Variants in DGKI observed in about 807,000 individuals in gnomAD.
DGKI encodes the protein DAG kinase iota.
DGKI carries 55 observed loss-of-function variants against 147.5 expected under a neutral mutation model. That is an observed-to-expected ratio of 0.37 (90% CI 0.30 to 0.47). DGKI has a LOEUF of 0.47. DGKI is among the 20% of genes least tolerant of loss of function. DGKI has a pLI of 1.00. For missense variants in DGKI, 1,007 were observed against 1,323.8 expected (o/e 0.76, Z 3.71); for synonymous variants, 469 against 477.1 (o/e 0.98, Z 0.22).
chr7:137,637,333 T>C (rs892059155), intron 6 of DGKI, among the ~76,000 whole-genome samples: 3 of 152,222 alleles, frequency 2.0e-5, no homozygotes, highest in Admixed American at 6.5e-5. Context: ...GGTAATAATA[T>C]GCCTATCTTT....
chr7:137,624,132 G>A lies in DGKI; in HGVS notation c.805-578C>T, dbSNP rs114471881. Among the ~76,000 whole-genome samples the A allele has an allele frequency of 2.3e-3, 345 of 152,284 alleles. 1 individual carries two copies. Among genetic ancestry groups the A allele is most frequent in the African/African-American group, 8.1e-3 (335 of 41,546 alleles). On this transcript the variant is annotated intron_variant, in intron 6 of 32. Transcript: ENST00000614521. ...TTTTTATTCTTTACCAGGAAGCAAC[G>A]ATGAAATCAATGAAATGGTAAACCT...
At chr7:137,647,071 A>C (rs1222101302) in intron 5 of DGKI, among the ~76,000 whole-genome samples, 5 of 152,230 alleles carry the variant, frequency 3.3e-5, no homozygotes, top group South Asian at 2.1e-4. Flanking sequence ...GTTTAATAAA[A>C]CAAAGACACA....
At position 137,713,033 on chromosome 7, in the gene DGKI, C is replaced by T. The variant is rs75376927; in HGVS notation, c.402-23031G>A. 6.3e-3 allele frequency among the ~76,000 whole-genome samples: 955 copies of T among 152,240 alleles called. 12 individuals carry two copies. Among genetic ancestry groups the T allele is most frequent in the African/African-American group, 0.022 (908 of 41,540 alleles). On this transcript the variant is annotated intron_variant, in intron 1 of 32. Coordinates refer to ENST00000614521, the MANE Select transcript of DGKI (RefSeq NM_001321708.2). ...GCACAAGTGGTGAAAGGCTAATTGCCACAGTTTCTAAACTTATAATCTTTA... is the reference window on the plus strand; with the variant it reads ...GCACAAGTGGTGAAAGGCTAATTGCTACAGTTTCTAAACTTATAATCTTTA...
At chr7:137,547,441 G>A (rs2128963953) in intron 20 of DGKI, among the ~76,000 whole-genome samples, 1 of 152,278 alleles carries the variant, frequency 6.6e-6, no homozygotes, top group Non-Finnish European at 1.5e-5. Flanking sequence ...ATTTCTCATG[G>A]AAATTCCTTC....
At chr7:137,686,513 C>T (rs569328255) in intron 2 of DGKI, among the ~76,000 whole-genome samples, 1 of 152,272 alleles carries the variant, frequency 6.6e-6, no homozygotes, top group Non-Finnish European at 1.5e-5. Context: ...TCCTAAAAGT[C>T]ATAATAAGCC....
At chr7:137,564,971 T>C (rs778153124) in intron 19 of DGKI, among the ~76,000 whole-genome samples, 13 of 152,238 alleles carry the variant, frequency 8.5e-5, no homozygotes, top group Non-Finnish European at 1.6e-4. Context: ...CCAGGAACTC[T>C]ATATGCCGCT....
chr7:137,637,121 C>T (rs954091803), intron 6 of DGKI, among the ~76,000 whole-genome samples: 2 of 152,234 alleles, frequency 1.3e-5, no homozygotes, highest in African/African-American at 4.8e-5. Flanking sequence ...CTGAAGGGCT[C>T]TTCCAGTTCC....
chr7:137,843,442 T>C, intron 1 of DGKI: 1 of 985,246 alleles, frequency 1.0e-6, no homozygotes, highest in Non-Finnish European at 1.2e-6. Context: ...ACAGAGACTA[T>C]TTGCTCTAGG....
At chr7:137,635,953 A>G (rs1419898601) in intron 6 of DGKI, among the ~76,000 whole-genome samples, 1 of 152,200 alleles carries the variant, frequency 6.6e-6, no homozygotes, top group African/African-American at 2.4e-5. Flanking sequence ...GGAAGCTCTT[A>G]AACTTTAAGC....
intron 1 of DGKI, among the ~76,000 whole-genome samples, chr7:137,836,486 T>C (rs904427020): frequency 2.6e-5 from 4 of 152,230 alleles, no homozygotes; most frequent in Non-Finnish European, 2.9e-5. Flanking sequence ...CAAATGGGGC[T>C]GACTATGCCA....
intron 1 of DGKI, among the ~76,000 whole-genome samples, chr7:137,706,865 C>T (rs895041773): frequency 1.5e-4 from 23 of 152,186 alleles, no homozygotes; most frequent in Non-Finnish European, 2.1e-4. Context: ...AGCCACCACA[C>T]CCCGCCGAAA....
At chr7:137,831,080 T>C (rs1392681944) in intron 1 of DGKI, among the ~76,000 whole-genome samples, 1 of 152,180 alleles carries the variant, frequency 6.6e-6, no homozygotes, top group African/African-American at 2.4e-5. Flanking sequence ...ATTTTTCCTA[T>C]AACAAAAACT....
At chr7:137,675,633 C>G (rs933992504) in intron 3 of DGKI, among the ~76,000 whole-genome samples, 6 of 145,160 alleles carry the variant, frequency 4.1e-5, no homozygotes, top group African/African-American at 1.5e-4. Context: ...TGCAGTGAGC[C>G]GAGATCACAC....
At chr7:137,537,296 T>C (rs1817552128) in intron 20 of DGKI, among the ~76,000 whole-genome samples, 1 of 152,202 alleles carries the variant, frequency 6.6e-6, no homozygotes, top group Non-Finnish European at 1.5e-5. Flanking sequence ...TGAAGCTAAC[T>C]CTTACACTTC....
chr7:137,597,314 C>A (rs1228283779), intron 12 of DGKI, among the ~76,000 whole-genome samples: 4 of 152,068 alleles, frequency 2.6e-5, no homozygotes, highest in African/African-American at 9.7e-5. Context: ...GATCATTATA[C>A]ATTCTATGCA....
At chr7:137,621,873 C>T (rs1182775467) in intron 7 of DGKI, among the ~76,000 whole-genome samples, 3 of 152,176 alleles carry the variant, frequency 2.0e-5, no homozygotes, top group South Asian at 2.1e-4. Context: ...CTGAGCACAC[C>T]GCTGCCCAGA....
chr7:137,704,744 TAAAG>T (rs1793957440), intron 1 of DGKI, among the ~76,000 whole-genome samples: 1 of 152,110 alleles, frequency 6.6e-6, no homozygotes, highest in Non-Finnish European at 1.5e-5. Context: ...AAGTAAAAGA[TAAAG>T]AGAGTATCTT....
chr7:137,638,617 C>T (rs1019390647), intron 6 of DGKI, among the ~76,000 whole-genome samples: 2,970 of 5,362 alleles, frequency 0.55, 1,058 homozygotes, highest in African/African-American at 0.6. Flanking sequence ...TATATACACA[C>T]ACACATATAT....
chr7:137,769,095 T>C (rs1472485271), intron 1 of DGKI, among the ~76,000 whole-genome samples: 4 of 152,186 alleles, frequency 2.6e-5, no homozygotes, highest in Admixed American at 6.5e-5. Context: ...CATTTATGCA[T>C]AGGGATTTCG....
Sources: allele counts gnomAD v4.1 joint callset (sites outside exome capture counted in the v4.1 genomes callset), GRCh38; gene constraint gnomAD v4.1.1; transcripts MANE v1.5; gene names NCBI Gene and HGNC (gene_info 2026-07-23, HGNC 2026-07-21).